The following GALM variants were observed in gnomAD, a reference collection of about 807,000 sequenced individuals.
GALM encodes the protein aldose 1-epimerase.
Under a neutral mutation model 37.4 loss-of-function variants are expected in GALM, and 43 were observed. The observed-to-expected ratio is 1.15, with a 90% CI of 0.90 to 1.48. GALM has a LOEUF of 1.48. Among genes scored for constraint, GALM ranks in the 40% most tolerant of loss-of-function variants. The pLI is 0.00. For missense variants in GALM, 456 were observed against 419.1 expected (o/e 1.09, Z -0.77); for synonymous variants, 199 against 170.6 (o/e 1.17, Z -1.30).
At chr2:38,718,900 C>A (rs1193318051) in intron 4 of GALM, among the ~76,000 whole-genome samples, 2 of 151,852 alleles carry the variant, frequency 1.3e-5, no homozygotes, top group African/African-American at 4.8e-5. Flanking sequence ...AATTAAAATT[C>A]ATCCGGGTGA....
At chr2:38,719,828 A>G (rs930868166) in intron 4 of GALM, among the ~76,000 whole-genome samples, 1 of 147,540 alleles carries the variant, frequency 6.8e-6, no homozygotes, top group Non-Finnish European at 1.5e-5. Flanking sequence ...ACCTTTAGTG[A>G]CCCCCGAGGC....
intron 4 of GALM, among the ~76,000 whole-genome samples, chr2:38,726,160 G>A (rs1666481399): frequency 1.3e-5 from 2 of 151,926 alleles, no homozygotes; most frequent in Admixed American, 6.6e-5. Flanking sequence ...AGGATGTAAA[G>A]CAACCTCTTT....
intron 4 of GALM, among the ~76,000 whole-genome samples, chr2:38,696,457 G>T (rs189158736): frequency 1.4e-4 from 21 of 145,280 alleles, no homozygotes; most frequent in Admixed American, 4.9e-4. Context: ...TTTTGAGACA[G>T]GGTCTCTTTC....
intron 4 of GALM, among the ~76,000 whole-genome samples, chr2:38,708,910 A>G (rs1211575316): frequency 6.6e-6 from 1 of 152,110 alleles, no homozygotes; most frequent in Non-Finnish European, 1.5e-5. Flanking sequence ...GAATCCAGGG[A>G]AGGCTTGAGA....
intron 4 of GALM, among the ~76,000 whole-genome samples, chr2:38,708,828 T>G (rs1666096069): frequency 6.6e-6 from 1 of 151,864 alleles, no homozygotes; most frequent in Non-Finnish European, 1.5e-5. Flanking sequence ...ACAGTTTTTT[T>G]TGTTTGTTTG....
chr2:38,722,041 C>CG (rs1666389760), intron 4 of GALM, among the ~76,000 whole-genome samples: 2 of 43,376 alleles, frequency 4.6e-5, no homozygotes, highest in Admixed American at 4.2e-4. Flanking sequence ...CCCCCCCCCA[C>CG]CCCCCCCCCC....
intron 4 of GALM, among the ~76,000 whole-genome samples, chr2:38,729,345 G>A (rs1352629414): frequency 6.7e-6 from 1 of 149,726 alleles, no homozygotes; most frequent in Non-Finnish European, 1.5e-5. Context: ...ACATCACTAT[G>A]CCTGGCTAAT....
chr2:38,679,010 G>A (rs1052521570), intron 2 of GALM, among the ~76,000 whole-genome samples: 6 of 150,994 alleles, frequency 4.0e-5, no homozygotes, highest in Admixed American at 2.0e-4. Flanking sequence ...TTTTTGACAC[G>A]GAGTCTCACT....
chr2:38,674,104 G>A (rs1368455232), intron 1 of GALM, among the ~76,000 whole-genome samples: 1 of 151,708 alleles, frequency 6.6e-6, no homozygotes, highest in Non-Finnish European at 1.5e-5. Context: ...AGGCTTTTGT[G>A]TTTTAGTCCT....
chr2:38,689,960 C>A, intron 4 of GALM, 66 bp downstream of exon 4: 2 of 843,982 alleles, frequency 2.4e-6, no homozygotes, highest in Admixed American at 2.4e-5. Context: ...CAAGAAAGGA[C>A]ATTAGTGGAG....
At chr2:38,681,538 G>A (rs1279701480) in intron 3 of GALM, 52 bp downstream of exon 3, 25 of 1,460,050 alleles carry the variant, frequency 1.7e-5, no homozygotes, top group Non-Finnish European at 2.4e-5. Context: ...GAATGTCCTG[G>A]GCTGTGGCTA....
At position 38,733,761 on chromosome 2, in the gene GALM, C is replaced by A; in HGVS notation, c.*196C>A. 1 of 577,738 alleles carries A rather than the reference C, an allele frequency of 1.7e-6. No individual in the cohort carries two copies. Among genetic ancestry groups the A allele is most frequent in the Non-Finnish European group, 3.2e-6 (1 of 315,004 alleles). 35.8% of individuals were successfully genotyped at this position (577,738 alleles called of 1,614,324 possible). A position where few individuals can be genotyped will look rare whatever the true frequency, so the allele number is the denominator to read the frequency against. Reference sequence around the variant, plus strand: ...GCTCCAGGCCATGTCTAATGACCAGCTCGATTCCCTGTGCAGTTCAGAGGG... The same window carrying A: ...GCTCCAGGCCATGTCTAATGACCAGATCGATTCCCTGTGCAGTTCAGAGGG... On this transcript the variant is annotated 3_prime_UTR_variant, in exon 7 of 7. Transcript: ENST00000272252.
At position 38,734,477 on chromosome 2, in the gene GALM, G is replaced by A. The variant is rs185620462; in HGVS notation, c.*912G>A. 3.3e-5 allele frequency: 5 copies of A among 151,886 alleles called. No homozygotes were observed. Among genetic ancestry groups the A allele is most frequent in the African/African-American group, 9.7e-5 (4 of 41,392 alleles). The allele number at this position is 151,886 out of a possible 1,614,324, so 9.4% of individuals were successfully genotyped here. ...AGGAAAAGGCCTGCAAGAGCCTTTG[G>A]GTTAACTGAGAAAGCACAGCCCGGC... On this transcript the variant is annotated 3_prime_UTR_variant, in exon 7 of 7. Transcript: ENST00000272252.
intron 1 of GALM, among the ~76,000 whole-genome samples, chr2:38,666,580 CT>C (rs1316672268): frequency 2.0e-5 from 3 of 152,238 alleles, no homozygotes; most frequent in African/African-American, 7.2e-5. Flanking sequence ...TCCGTTCAGG[CT>C]TTGCCCCAGT....
At chr2:38,675,831 A>G in intron 1 of GALM, 81 bp from the exon 2 acceptor site, 1 of 1,325,872 alleles carries the variant, frequency 7.5e-7, no homozygotes, top group South Asian at 1.2e-5. Context: ...GGCCTCCCAT[A>G]GTGCTGGGAT....
intron 3 of GALM, among the ~76,000 whole-genome samples, chr2:38,689,046 C>A (rs963000512): frequency 1.3e-5 from 2 of 152,218 alleles, no homozygotes; most frequent in Non-Finnish European, 2.9e-5. Context: ...TCTCGAACTC[C>A]TGACCTCAGG....
At chr2:38,701,204 T>C (rs1417713503) in intron 4 of GALM, among the ~76,000 whole-genome samples, 1 of 152,230 alleles carries the variant, frequency 6.6e-6, no homozygotes, top group Non-Finnish European at 1.5e-5. Flanking sequence ...TTGTAAATAT[T>C]ACATTTCACC....
chr2:38,689,385 G>A (rs925019479), intron 3 of GALM, among the ~76,000 whole-genome samples: 4 of 152,166 alleles, frequency 2.6e-5, no homozygotes, highest in Non-Finnish European at 4.4e-5. Context: ...GCTAGAGGGG[G>A]GTGCCAGGTG....
At chr2:38,705,414 C>A (rs767358676) in intron 4 of GALM, among the ~76,000 whole-genome samples, 2 of 152,128 alleles carry the variant, frequency 1.3e-5, no homozygotes, top group African/African-American at 2.4e-5. Flanking sequence ...CTGTCTCTGC[C>A]CTTGAGAAGC....
Sources: gnomAD v4.1 joint callset for allele counts (sites outside exome capture counted in the v4.1 genomes callset) on GRCh38, gnomAD v4.1.1 for gene constraint, MANE v1.5 for transcripts, NCBI Gene and HGNC (gene_info 2026-07-23, HGNC 2026-07-21) for gene names.